The following TTC23L variants were observed in gnomAD, a reference collection of about 807,000 sequenced individuals.
The protein encoded by TTC23L is tetratricopeptide repeat protein 23-like.
A neutral mutation model predicts 48.1 loss-of-function variants in TTC23L; 42 were observed. The ratio of observed to expected loss-of-function variants is 0.87; its 90% CI spans 0.68 to 1.13. The LOEUF (loss-of-function observed/expected upper bound fraction) is 1.13. TTC23L is among the 50% of genes most tolerant of loss of function. The pLI is 0.00. For synonymous variants in TTC23L, 159 were observed against 157.2 expected (o/e 1.01, Z -0.09); for missense variants, 391 against 421.0 (o/e 0.93, Z 0.62).
rs1448534461 is a variant in TTC23L at position 34,848,060 on chromosome 5, G to A, written c.256-2125G>A. Reference sequence around the variant, plus strand: ...TTACAGTAACTCCATGAGGTAGATGGTACAGGTTTCCAAACCTCAGAAAAG... The same window carrying A: ...TTACAGTAACTCCATGAGGTAGATGATACAGGTTTCCAAACCTCAGAAAAG... On this transcript the variant is annotated intron_variant, in intron 3 of 10. Transcript: ENST00000505624. Among the ~76,000 whole-genome samples, 6 of 152,082 alleles carry A rather than the reference G, an allele frequency of 3.9e-5. No individual in the cohort carries two copies. The East Asian group carries it at 1.2e-3, about 29-fold the overall frequency.
chr5:34,864,392 G>A (rs748475164), intron 5 of TTC23L, 45 bp from the exon 6 acceptor site: 1 of 1,608,268 alleles, frequency 6.2e-7, no homozygotes, highest in South Asian at 1.1e-5. Flanking sequence ...TCCCTGTGCA[G>A]TGGATGTTAG....
chr5:34,914,361 T>G, the TTC23L span: 1 of 315,712 alleles, frequency 3.2e-6, no homozygotes, highest in African/African-American at 2.2e-5. Context: ...TAACAGAACC[T>G]ACCTTACAGG....
chr5:34,910,879 C>A, the TTC23L span, among the ~76,000 whole-genome samples: 447 of 152,304 alleles, frequency 2.9e-3, 3 homozygotes, highest in African/African-American at 0.01. Context: ...TGAGTCTAAT[C>A]CTGAAAAGAG....
the TTC23L span, chr5:34,909,147 AT>A: frequency 5.2e-6 from 5 of 967,518 alleles, no homozygotes; most frequent in Non-Finnish European, 7.7e-6. Context: ...ATTCATTTTT[AT>A]AAAATGCTGT....
intron 3 of TTC23L, among the ~76,000 whole-genome samples, chr5:34,848,996 A>G (rs1759450526): frequency 6.6e-6 from 1 of 152,232 alleles, no homozygotes; most frequent in Non-Finnish European, 1.5e-5. Flanking sequence ...ATAACAAGCT[A>G]TTTGATCACA....
chr5:34,914,763 C>A, the TTC23L span: 1 of 1,614,168 alleles, frequency 6.2e-7, no homozygotes, highest in East Asian at 2.2e-5. Flanking sequence ...TTTTTAGTTG[C>A]GAAACACGTG....
At chr5:34,841,292 G>A (rs907127159) in intron 2 of TTC23L, among the ~76,000 whole-genome samples, 2 of 152,110 alleles carry the variant, frequency 1.3e-5, no homozygotes, top group Non-Finnish European at 2.9e-5. Flanking sequence ...TAAAACTTTC[G>A]TATCGTCTAA....
intron 8 of TTC23L, among the ~76,000 whole-genome samples, chr5:34,870,056 T>G (rs1761346782): frequency 6.6e-6 from 1 of 152,036 alleles, no homozygotes; most frequent in Non-Finnish European, 1.5e-5. Context: ...TTAGCTTTTT[T>G]TTAAGTGAGA....
chr5:34,923,182 A>G, the TTC23L span: 68 of 1,614,202 alleles, frequency 4.2e-5, 1 homozygote, highest in South Asian at 6.7e-4. Flanking sequence ...TTTGTGGACC[A>G]CGTGTTTACT....
chr5:34,870,124 C>T (rs1202702864), intron 8 of TTC23L, among the ~76,000 whole-genome samples: 1 of 151,636 alleles, frequency 6.6e-6, no homozygotes. Context: ...TCATTATTTT[C>T]TTATATACTA....
chr5:34,900,976 C>T (rs1561165345), downstream of TTC23L, among the ~76,000 whole-genome samples: 1 of 152,138 alleles, frequency 6.6e-6, no homozygotes, highest in East Asian at 1.9e-4. Context: ...TTTTATGTGG[C>T]TATGATTTAA....
At chr5:34,924,642 A>T in the TTC23L span, among the ~76,000 whole-genome samples, 3 of 152,344 alleles carry the variant, frequency 2.0e-5, no homozygotes, top group Admixed American at 2.0e-4. Context: ...GAACTCACTG[A>T]AAAAACATTT....
chr5:34,863,088 G>A lies in TTC23L; in HGVS notation c.536+34G>A, dbSNP rs371369760. 2.2e-5 allele frequency: 36 copies of A among 1,611,800 alleles called. No homozygotes were observed. The highest frequency in any genetic ancestry group is 1.7e-4 in the Middle Eastern group (1 of 5,844). On this transcript the variant is annotated intron_variant, in intron 5 of 10. Transcript: ENST00000505624. This position sits in a 1 kb window ranked among gnomAD's most constrained non-coding sequence, Gnocchi z 4.1. Reference sequence around the variant, plus strand: ...CCATTCCTAGCTGCGTTTAGTGTTCGGGGCCACAGGCCACACATGCCAGAT... The same window carrying A: ...CCATTCCTAGCTGCGTTTAGTGTTCAGGGCCACAGGCCACACATGCCAGAT...
chr5:34,922,406 AT>A, the TTC23L span: 1 of 900,022 alleles, frequency 1.1e-6, no homozygotes, highest in Admixed American at 2.5e-5. Flanking sequence ...CAAACTTTTG[AT>A]TTCACGAAAC....
chr5:34,841,927 T>C (rs1341036108), intron 2 of TTC23L, among the ~76,000 whole-genome samples: 2 of 152,150 alleles, frequency 1.3e-5, no homozygotes, highest in African/African-American at 4.8e-5. Context: ...TGTTGTAGGA[T>C]TTTTAGCAGC....
At chr5:34,907,634 A>T in the TTC23L span, 1 of 152,260 alleles carries the variant, frequency 6.6e-6, no homozygotes, top group Non-Finnish European at 1.5e-5. Flanking sequence ...CAAGAAACTC[A>T]TAAGCAAATG....
intron 3 of TTC23L, 94 bp from the exon 4 acceptor site, chr5:34,850,091 A>G: frequency 7.2e-7 from 1 of 1,387,080 alleles, no homozygotes; most frequent in Non-Finnish European, 1.0e-6. Context: ...AAAAAAGATG[A>G]CAGGTGAATT....
At chr5:34,922,246 C>T in the TTC23L span, 23 of 1,590,168 alleles carry the variant, frequency 1.4e-5, no homozygotes, top group Non-Finnish European at 1.9e-5. Flanking sequence ...GTAATAAATG[C>T]ATCTATTTTG....
intron 4 of TTC23L, among the ~76,000 whole-genome samples, chr5:34,856,597 TAG>T (rs1327478981): frequency 3.3e-5 from 5 of 152,130 alleles, no homozygotes; most frequent in Non-Finnish European, 7.4e-5. Context: ...GTTGAAGTAA[TAG>T]GAGTTGATAA....
Sources: allele counts gnomAD v4.1 joint callset (sites outside exome capture counted in the v4.1 genomes callset), GRCh38; gene constraint gnomAD v4.1.1; non-coding constraint Gnocchi (gnomAD v3.1); transcripts MANE v1.5; gene names NCBI Gene and HGNC (gene_info 2026-07-23, HGNC 2026-07-21).